EFEMP1: variants seen among roughly 807,000 people sequenced by gnomAD.
EFEMP1 encodes EGF-containing fibulin-like extracellular matrix protein 1.
EFEMP1 carries 18 observed loss-of-function variants against 65.7 expected under a neutral mutation model. The ratio of observed to expected loss-of-function variants is 0.27; its 90% CI spans 0.19 to 0.41. The LOEUF (loss-of-function observed/expected upper bound fraction) is 0.41. Among genes scored for constraint, EFEMP1 ranks in the 10% least tolerant of loss-of-function variants. EFEMP1 has a pLI of 1.00. For synonymous variants in EFEMP1, 237 were observed against 219.7 expected, an observed-to-expected ratio of 1.08 and a Z score of -0.70; for missense variants, 469 against 624.8, an observed-to-expected ratio of 0.75 and a Z score of 2.66.
At chr2:55,892,909 G>A (rs1488720536) in intron 5 of EFEMP1, among the ~76,000 whole-genome samples, 1 of 152,082 alleles carries the variant, frequency 6.6e-6, no homozygotes, top group Non-Finnish European at 1.5e-5. Flanking sequence ...GCACATCCAC[G>A]GAGTCTATCA....
At chr2:55,880,778 T>C (rs1248122858) in intron 6 of EFEMP1, among the ~76,000 whole-genome samples, 1 of 152,206 alleles carries the variant, frequency 6.6e-6, no homozygotes, top group Non-Finnish European at 1.5e-5. Flanking sequence ...GAGTACTGTA[T>C]TTTACTTCAC....
At chr2:55,882,187 A>G (rs1669266569) in intron 5 of EFEMP1, among the ~76,000 whole-genome samples, 1 of 152,194 alleles carries the variant, frequency 6.6e-6, no homozygotes, top group Non-Finnish European at 1.5e-5. Flanking sequence ...TTTCCATCCA[A>G]TATATTGTAT....
chr2:55,899,663 T>G (rs1264704685), intron 5 of EFEMP1, among the ~76,000 whole-genome samples: 1 of 152,208 alleles, frequency 6.6e-6, no homozygotes, highest in Non-Finnish European at 1.5e-5. Context: ...ATCTCTCAGT[T>G]GAGCCCTGTG....
At chr2:55,918,303 A>G (rs1670786672) in intron 3 of EFEMP1, 36 bp from the exon 4 acceptor site, 2 of 1,612,902 alleles carry the variant, frequency 1.2e-6, no homozygotes, top group Non-Finnish European at 1.7e-6. Flanking sequence ...GCCAGGAGAC[A>G]GTTAATTGGT....
intron 5 of EFEMP1, among the ~76,000 whole-genome samples, chr2:55,892,808 G>A (rs1669681023): frequency 6.6e-6 from 1 of 152,094 alleles, no homozygotes; most frequent in African/African-American, 2.4e-5. Context: ...CAATCTTAAA[G>A]AGAATTTCTT....
chr2:55,867,443 C>CTT lies in EFEMP1; in HGVS notation c.1321-211_1321-210dup, dbSNP rs35060930. Among the ~76,000 whole-genome samples the CTT allele has an allele frequency of 2.6e-4, 38 of 143,760 alleles. No homozygotes were observed. The South Asian group carries it at 3.3e-3, about 12-fold the overall frequency. 94.3% of individuals were successfully genotyped at this position (143,760 alleles called of 152,430 possible). A position where few individuals can be genotyped will look rare whatever the true frequency, so the allele number is the denominator to read the frequency against. ...ATTAGCTCCAAGTTTCAAGGACTTG[C>CTT]TTTTTTTTTTTTTTAAATAGTTCTT... On this transcript the variant is annotated intron_variant, in intron 11 of 11. Coordinates refer to ENST00000355426, the MANE Select transcript of EFEMP1 (RefSeq NM_001039348.3). This position sits in a 1 kb window ranked among gnomAD's most constrained non-coding sequence, Gnocchi z 4.3.
chr2:55,922,929 A>G lies in EFEMP1; in HGVS notation c.-38T>C. ...GCTAGCAGAGTTCCTTGCACAGCAC[A>G]GCAAAAATACCTGTGAGCCAATATG... On this transcript the variant is annotated 5_prime_UTR_variant, in exon 2 of 12. Transcript: ENST00000355426. This position sits in a 1 kb window ranked among gnomAD's most constrained non-coding sequence, Gnocchi z 5.5. 2 of 1,035,908 alleles carry G rather than the reference A, an allele frequency of 1.9e-6. No individual in the cohort carries two copies. 64.2% of individuals were successfully genotyped at this position (1,035,908 alleles called of 1,614,324 possible). A position where few individuals can be genotyped will look rare whatever the true frequency, so the allele number is the denominator to read the frequency against.
Position 55,919,117 on chromosome 2 carries a change from G to A in EFEMP1, c.82-850C>T, listed in dbSNP as rs1292736979. 6.6e-6 allele frequency among the ~76,000 whole-genome samples: 1 copy of A among 152,180 alleles called. No individual in the cohort carries two copies. The highest frequency in any genetic ancestry group is 2.4e-5 in the African/African-American group (1 of 41,434). Reference sequence around the variant, plus strand: ...TTACAGGATGAGCAGGATTTTTCCAGGTGAATGTGGGAATTCTAGGAAGAG... The same window carrying A: ...TTACAGGATGAGCAGGATTTTTCCAAGTGAATGTGGGAATTCTAGGAAGAG... On this transcript the variant is annotated intron_variant, in intron 3 of 11. Coordinates refer to ENST00000355426, the MANE Select transcript of EFEMP1 (RefSeq NM_001039348.3). The surrounding 1 kb of genome is among the most constrained non-coding windows in gnomAD (Gnocchi z 4.5).
chr2:55,891,361 T>G (rs1669620451), intron 5 of EFEMP1, among the ~76,000 whole-genome samples: 1 of 152,030 alleles, frequency 6.6e-6, no homozygotes, highest in Non-Finnish European at 1.5e-5. Flanking sequence ...TATGACAGAG[T>G]TTTAATAATT....
chr2:55,910,467 A>G (rs1441429240), intron 5 of EFEMP1, among the ~76,000 whole-genome samples: 1 of 152,344 alleles, frequency 6.6e-6, no homozygotes, highest in Non-Finnish European at 1.5e-5. Flanking sequence ...CTTTGGTTTC[A>G]AAGAATAAAA....
intron 8 of EFEMP1, 113 bp downstream of exon 8, chr2:55,876,510 A>G: frequency 1.4e-6 from 2 of 1,474,854 alleles, no homozygotes; most frequent in South Asian, 1.2e-5. Context: ...TGGATTTTAG[A>G]ACAGAATTCC....
chr2:55,867,025 A>T lies in EFEMP1; in HGVS notation c.*48T>A. On this transcript the variant is annotated 3_prime_UTR_variant, in exon 12 of 12. Coordinates refer to ENST00000355426, the MANE Select transcript of EFEMP1 (RefSeq NM_001039348.3). The surrounding 1 kb of genome is among the most constrained non-coding windows in gnomAD (Gnocchi z 4.3). Reference sequence around the variant, plus strand: ...AAATAAAATAGTGCTTTAAGGTAACAATATTCTTTGGCTGACTTAAATGCC... The same window carrying T: ...AAATAAAATAGTGCTTTAAGGTAACTATATTCTTTGGCTGACTTAAATGCC... 1.2e-6 allele frequency: 2 copies of T among 1,609,130 alleles called. No homozygotes were observed. The highest frequency in any genetic ancestry group is 1.7e-6 in the Non-Finnish European group (2 of 1,177,320).
intron 3 of EFEMP1, among the ~76,000 whole-genome samples, chr2:55,920,436 T>C (rs866340439): frequency 6.6e-6 from 1 of 152,224 alleles, no homozygotes; most frequent in South Asian, 2.1e-4. Flanking sequence ...ATTCTTTTAA[T>C]AGTGATGAGA....
At chr2:55,914,246 C>T (rs1670591110) in intron 5 of EFEMP1, among the ~76,000 whole-genome samples, 1 of 152,144 alleles carries the variant, frequency 6.6e-6, no homozygotes, top group African/African-American at 2.4e-5. Flanking sequence ...AGAATAATGT[C>T]AGTCATGGGA....
intron 5 of EFEMP1, among the ~76,000 whole-genome samples, chr2:55,882,556 G>T (rs1669279067): frequency 6.6e-6 from 1 of 152,114 alleles, no homozygotes. Context: ...ATATAAATTT[G>T]TGTGTGTACA....
At chr2:55,887,130 A>G (rs1233963288) in intron 5 of EFEMP1, among the ~76,000 whole-genome samples, 1 of 152,110 alleles carries the variant, frequency 6.6e-6, no homozygotes, top group Non-Finnish European at 1.5e-5. Context: ...TACTTCATCC[A>G]CAGTTTACAG....
intron 6 of EFEMP1, among the ~76,000 whole-genome samples, chr2:55,878,934 C>T (rs969614018): frequency 6.6e-6 from 1 of 152,176 alleles, no homozygotes; most frequent in African/African-American, 2.4e-5. Context: ...TTTGATTTAA[C>T]TTGAATACTG....
chr2:55,901,798 A>G (rs111978135), intron 5 of EFEMP1, among the ~76,000 whole-genome samples: 5 of 152,284 alleles, frequency 3.3e-5, no homozygotes, highest in African/African-American at 1.2e-4. Context: ...ATGGGTTGCC[A>G]CTTCTATGAT....
Position 55,866,889 on chromosome 2 carries a change from G to T in EFEMP1, c.*184C>A. On this transcript the variant is annotated 3_prime_UTR_variant, in exon 12 of 12. Coordinates refer to ENST00000355426, the MANE Select transcript of EFEMP1 (RefSeq NM_001039348.3). Reference sequence around the variant, plus strand: ...TGTCTAATTTACATATAGTAATAAAGACAAACTTTGAATCTTTACATATTA... The same window carrying T: ...TGTCTAATTTACATATAGTAATAAATACAAACTTTGAATCTTTACATATTA... 1 of 729,508 alleles carries T rather than the reference G, an allele frequency of 1.4e-6. No homozygotes were observed. The highest frequency in any genetic ancestry group is 2.2e-6 in the Non-Finnish European group (1 of 454,914). The allele number at this position is 729,508 out of a possible 1,614,324, so 45.2% of individuals were successfully genotyped here.
Sources: gnomAD v4.1 joint callset for allele counts (sites outside exome capture counted in the v4.1 genomes callset) on GRCh38, gnomAD v4.1.1 for gene constraint, Gnocchi (gnomAD v3.1) non-coding constraint, MANE v1.5 for transcripts, NCBI Gene and HGNC (gene_info 2026-07-23, HGNC 2026-07-21) for gene names.